The following PCDH15 variants were observed in gnomAD, a reference collection of about 807,000 sequenced individuals.
PCDH15 encodes protocadherin-15.
PCDH15 carries 129 observed loss-of-function variants against 178.5 expected under a neutral mutation model. That is an observed-to-expected ratio of 0.72 (90% CI 0.63 to 0.84). PCDH15 has a LOEUF of 0.84. Among genes scored for constraint, PCDH15 ranks in the 40% least tolerant of loss-of-function variants. The pLI is 0.00. For synonymous variants in PCDH15, 800 were observed against 732.0 expected (o/e 1.09, Z -1.50); for missense variants, 2,230 against 2,099.9 (o/e 1.06, Z -1.21).
chr10:55,626,053 A>T (rs1209931461), intron 2 of PCDH15, among the ~76,000 whole-genome samples: 1 of 152,124 alleles, frequency 6.6e-6, no homozygotes, highest in Non-Finnish European at 1.5e-5. Flanking sequence ...AGCTGCCCTA[A>T]GAGAAAGAAT....
At chr10:55,297,420 C>T (rs1843161090) in intron 1 of PCDH15, among the ~76,000 whole-genome samples, 1 of 152,130 alleles carries the variant, frequency 6.6e-6, no homozygotes, top group African/African-American at 2.4e-5. Context: ...CACTGATTTT[C>T]CTTTTCTCTA....
chr10:55,271,737 C>CCT (rs1475689940), intron 1 of PCDH15, among the ~76,000 whole-genome samples: 1 of 152,016 alleles, frequency 6.6e-6, no homozygotes, highest in African/African-American at 2.4e-5. Context: ...GGTACTCTGG[C>CCT]CTCTACCTTC....
chr10:54,521,352 C>T (rs71492616), intron 3 of PCDH15, among the ~76,000 whole-genome samples: 6,783 of 152,194 alleles, frequency 0.045, 211 homozygotes, highest in Non-Finnish European at 0.064. Context: ...TTAGAGAATA[C>T]TGATGGGATG....
At chr10:54,870,278 G>C (rs1481622710) in intron 3 of PCDH15, among the ~76,000 whole-genome samples, 1 of 152,158 alleles carries the variant, frequency 6.6e-6, no homozygotes, top group African/African-American at 2.4e-5. Flanking sequence ...ATGCTCATGA[G>C]ATTATGATTT....
intron 3 of PCDH15, among the ~76,000 whole-genome samples, chr10:54,886,377 G>A (rs1339872102): frequency 6.6e-6 from 1 of 152,166 alleles, no homozygotes; most frequent in East Asian, 1.9e-4. Flanking sequence ...TGAATTAAGA[G>A]AAATATCAAA....
intron 8 of PCDH15, among the ~76,000 whole-genome samples, chr10:54,279,464 C>T (rs920126851): frequency 1.3e-5 from 2 of 151,670 alleles, no homozygotes; most frequent in East Asian, 1.9e-4. Flanking sequence ...AAAAAATGTT[C>T]GCTGTTGTGG....
At chr10:54,064,030 T>G (rs1422565215) in intron 18 of PCDH15, among the ~76,000 whole-genome samples, 1 of 151,966 alleles carries the variant, frequency 6.6e-6, no homozygotes, top group Non-Finnish European at 1.5e-5. Context: ...GGGTCCCGAG[T>G]TTTTGGCCCA....
At chr10:54,194,738 ATC>A (rs1238530709) in intron 11 of PCDH15, among the ~76,000 whole-genome samples, 69 of 127,750 alleles carry the variant, frequency 5.4e-4, no homozygotes, top group African/African-American at 2.5e-3. Flanking sequence ...CTATCTATCT[ATC>A]TATATATATA....
At chr10:54,400,373 AC>A (rs1784418231) in intron 3 of PCDH15, among the ~76,000 whole-genome samples, 2 of 152,056 alleles carry the variant, frequency 1.3e-5, no homozygotes, top group African/African-American at 4.8e-5. Context: ...CAGAAAATAA[AC>A]GGATAAAGCT....
At chr10:55,603,368 C>T (rs944226605) in intron 2 of PCDH15, among the ~76,000 whole-genome samples, 76 of 150,448 alleles carry the variant, frequency 5.1e-4, no homozygotes, top group African/African-American at 1.8e-3. Context: ...GGCAGGCCAA[C>T]GTTCAGATTC....
chr10:54,347,505 T>G (rs1313613697), intron 5 of PCDH15, among the ~76,000 whole-genome samples: 1 of 152,190 alleles, frequency 6.6e-6, no homozygotes, highest in Non-Finnish European at 1.5e-5. Context: ...CTCAGGGATT[T>G]GTTCTCTTAA....
intron 2 of PCDH15, chr10:54,600,195 G>A (rs1691739416): frequency 1.6e-6 from 1 of 628,988 alleles, no homozygotes; most frequent in Admixed American, 2.3e-5. Context: ...TTACCAAATT[G>A]GTAAAGGTGC....
At chr10:54,195,248 G>T (rs570799836) in intron 11 of PCDH15, among the ~76,000 whole-genome samples, 2 of 152,282 alleles carry the variant, frequency 1.3e-5, no homozygotes, top group African/African-American at 4.8e-5. Context: ...GAATGGGTCA[G>T]CTGCCTCAAA....
chr10:54,785,134 A>C (rs1591622360), intron 1 of PCDH15, among the ~76,000 whole-genome samples: 1 of 152,104 alleles, frequency 6.6e-6, no homozygotes, highest in Admixed American at 6.6e-5. Flanking sequence ...GGCAGCATAA[A>C]GTCAGTTCCA....
At chr10:54,685,455 G>C (rs939855312) in intron 1 of PCDH15, among the ~76,000 whole-genome samples, 1 of 152,118 alleles carries the variant, frequency 6.6e-6, no homozygotes, top group Non-Finnish European at 1.5e-5. Context: ...ACAAACGTGT[G>C]AGTAATGCTT....
At chr10:55,391,931 G>A (rs1033528547) in intron 2 of PCDH15, among the ~76,000 whole-genome samples, 9 of 152,152 alleles carry the variant, frequency 5.9e-5, no homozygotes, top group African/African-American at 2.2e-4. Context: ...TTGATTTAAA[G>A]TAACAGACAT....
intron 26 of PCDH15, among the ~76,000 whole-genome samples, chr10:53,874,618 T>C (rs2133253430): frequency 6.6e-6 from 1 of 152,226 alleles, no homozygotes; most frequent in South Asian, 2.1e-4. Context: ...CAGGTGCTTT[T>C]TCAAAAACCC....
intron 2 of PCDH15, among the ~76,000 whole-genome samples, chr10:55,065,356 C>A (rs1405636595): frequency 6.6e-6 from 1 of 151,954 alleles, no homozygotes; most frequent in Non-Finnish European, 1.5e-5. Context: ...CCCTTTCCCC[C>A]AGTTATGGTA....
chr10:55,558,371 G>A (rs1177095021), intron 2 of PCDH15, among the ~76,000 whole-genome samples: 1 of 152,014 alleles, frequency 6.6e-6, no homozygotes, highest in Non-Finnish European at 1.5e-5. Context: ...GATGGGTATG[G>A]GTTTGGTTTG....
Sources: allele counts gnomAD v4.1 joint callset (sites outside exome capture counted in the v4.1 genomes callset), GRCh38; gene constraint gnomAD v4.1.1; transcripts MANE v1.5; gene names NCBI Gene and HGNC (gene_info 2026-07-23, HGNC 2026-07-21).